The following SPIDR variants were observed in gnomAD, a reference collection of about 807,000 sequenced individuals.
SPIDR encodes DNA repair-scaffolding protein.
SPIDR carries 93 observed loss-of-function variants against 104.6 expected under a neutral mutation model. That is an observed-to-expected ratio of 0.89 (90% CI 0.75 to 1.06). SPIDR has a LOEUF of 1.06. Among genes scored for constraint, SPIDR ranks in the 50% least tolerant of loss-of-function variants. SPIDR has a pLI of 0.00. For missense variants in SPIDR, 1,154 were observed against 1,111.2 expected, an observed-to-expected ratio of 1.04 and a Z score of -0.55; for synonymous variants, 431 against 416.9, an observed-to-expected ratio of 1.03 and a Z score of -0.41.
chr8:47,433,222 C>G (rs1046968115), intron 7 of SPIDR, among the ~76,000 whole-genome samples: 2 of 152,128 alleles, frequency 1.3e-5, no homozygotes, highest in Admixed American at 1.3e-4. Context: ...TCTTACCTCT[C>G]CTGTCACTCC....
intron 5 of SPIDR, among the ~76,000 whole-genome samples, chr8:47,325,886 GAAGA>G (rs2047576155): frequency 6.6e-6 from 1 of 152,196 alleles, no homozygotes; most frequent in African/African-American, 2.4e-5. Context: ...GATCTAAGAG[GAAGA>G]AAGAAGTCTT....
intron 8 of SPIDR, among the ~76,000 whole-genome samples, chr8:47,517,716 A>G (rs1282975882): frequency 6.6e-6 from 1 of 152,252 alleles, no homozygotes; most frequent in Non-Finnish European, 1.5e-5. Flanking sequence ...CACAGTGAGA[A>G]CATCTTGTAA....
intron 11 of SPIDR, among the ~76,000 whole-genome samples, chr8:47,680,894 T>C (rs1242043185): frequency 6.6e-6 from 1 of 152,090 alleles, no homozygotes; most frequent in Non-Finnish European, 1.5e-5. Flanking sequence ...TCACCTGAGG[T>C]CAGGAGTTTC....
At chr8:47,565,983 TATATATA>T (rs1456385330) in intron 8 of SPIDR, among the ~76,000 whole-genome samples, 149 of 47,324 alleles carry the variant, frequency 3.1e-3, no homozygotes, top group Non-Finnish European at 7.2e-3. Context: ...TATATATATA[TATATATA>T]TATTTTTTTT....
At chr8:47,620,590 A>C (rs1227758854) in intron 10 of SPIDR, among the ~76,000 whole-genome samples, 1 of 150,200 alleles carries the variant, frequency 6.7e-6, no homozygotes, top group Non-Finnish European at 1.5e-5. Context: ...TTTAAAGGGT[A>C]TACACAATTC....
In SPIDR at chr8:47,506,502, T is replaced by C. The variant is rs565229799; in HGVS notation, c.1097+65960T>C. Among the ~76,000 whole-genome samples, 129 of 152,248 alleles carry C rather than the reference T, an allele frequency of 8.5e-4. 5 individuals carry two copies. In the South Asian group the frequency reaches 0.026, roughly 31 times the overall value. On this transcript the variant is annotated intron_variant, in intron 8 of 19. Coordinates refer to ENST00000297423, the MANE Select transcript of SPIDR (RefSeq NM_001080394.4). ...TAGAATTCTGGGATCCTGTAACCTA[T>C]AGAATGAATTGCAAGGCTAATATCA...
intron 11 of SPIDR, among the ~76,000 whole-genome samples, chr8:47,680,995 G>A (rs544109731): frequency 2.6e-5 from 4 of 152,310 alleles, no homozygotes; most frequent in Non-Finnish European, 4.4e-5. Flanking sequence ...ACCGGGAGGC[G>A]GAGGTTGCAG....
chr8:47,723,377 G>T (rs2083702020), intron 16 of SPIDR, among the ~76,000 whole-genome samples: 1 of 147,842 alleles, frequency 6.8e-6, no homozygotes, highest in Non-Finnish European at 1.5e-5. Context: ...GATTTTTATT[G>T]AACATTATGA....
intron 7 of SPIDR, 147 bp downstream of exon 7, chr8:47,408,108 A>G (rs35350751): frequency 4.5e-6 from 2 of 443,906 alleles, no homozygotes; most frequent in South Asian, 7.9e-5. Flanking sequence ...ACATATAAAA[A>G]CTATATATAG....
intron 8 of SPIDR, among the ~76,000 whole-genome samples, chr8:47,472,956 G>A (rs782204647): frequency 3.9e-5 from 6 of 152,144 alleles, no homozygotes; most frequent in Non-Finnish European, 7.3e-5. Context: ...CTTTCTGGCC[G>A]TGGTCTTCTG....
chr8:47,460,512 G>A (rs2073766527), intron 8 of SPIDR, among the ~76,000 whole-genome samples: 1 of 152,082 alleles, frequency 6.6e-6, no homozygotes, highest in Non-Finnish European at 1.5e-5. Context: ...ATTTGCGTGG[G>A]CTGTCTTTTT....
At chr8:47,475,402 A>G (rs898272417) in intron 8 of SPIDR, among the ~76,000 whole-genome samples, 82 of 152,200 alleles carry the variant, frequency 5.4e-4, no homozygotes, top group African/African-American at 1.9e-3. Flanking sequence ...CTTCTTTCCT[A>G]CCTGTCATGT....
intron 10 of SPIDR, among the ~76,000 whole-genome samples, chr8:47,633,901 T>A (rs181091048): frequency 6.6e-6 from 1 of 151,950 alleles, no homozygotes; most frequent in African/African-American, 2.4e-5. Context: ...AGAACCAGCC[T>A]GAGCAACATG....
intron 8 of SPIDR, among the ~76,000 whole-genome samples, chr8:47,579,167 T>C (rs2154410456): frequency 6.6e-6 from 1 of 152,320 alleles, no homozygotes; most frequent in East Asian, 1.9e-4. Context: ...GCAAGCACTA[T>C]TGACATTGCC....
rs1329586137 is a variant in SPIDR at position 47,396,493 on chromosome 8, G to C, written c.643G>C (p.Asp215His). ...PHKYHVQFASDARQIMERLID... is the reference protein window; with the variant it reads ...PHKYHVQFASHARQIMERLID... ...CAAATACCACGTGCAGTTTGCATCG[G>C]ATGCAAGACAGATTATGGAGAGACT... Residue 215 changes from aspartate to histidine, a missense_variant, in exon 6 of 20, where the codon GAT becomes CAT. Transcript: ENST00000297423. 14 of 1,614,012 alleles carry C rather than the reference G, an allele frequency of 8.7e-6. No homozygotes were observed. In the East Asian group the frequency reaches 3.1e-4, roughly 36 times the overall value.
chr8:47,604,738 T>G (rs2062734157), intron 10 of SPIDR, among the ~76,000 whole-genome samples: 1 of 152,168 alleles, frequency 6.6e-6, no homozygotes, highest in Non-Finnish European at 1.5e-5. Flanking sequence ...TGAGAAAAAC[T>G]ATAGTGAGAG....
At chr8:47,511,678 C>T in intron 8 of SPIDR, 4 of 867,534 alleles carry the variant, frequency 4.6e-6, no homozygotes, top group Non-Finnish European at 8.0e-6. Flanking sequence ...TGCCCCAAGG[C>T]CATAGCCATC....
intron 8 of SPIDR, among the ~76,000 whole-genome samples, chr8:47,457,266 C>A (rs950791365): frequency 6.6e-6 from 1 of 152,086 alleles, no homozygotes; most frequent in Non-Finnish European, 1.5e-5. Context: ...ACATCAACAT[C>A]TATTATTTTT....
intron 5 of SPIDR, among the ~76,000 whole-genome samples, chr8:47,348,573 C>T (rs191639775): frequency 6.6e-6 from 1 of 152,320 alleles, no homozygotes; most frequent in Admixed American, 6.5e-5. Flanking sequence ...TCCATTCTCC[C>T]TGTAACTTTC....
Sources: allele counts gnomAD v4.1 joint callset (sites outside exome capture counted in the v4.1 genomes callset), GRCh38; gene constraint gnomAD v4.1.1; transcripts MANE v1.5; gene names NCBI Gene and HGNC (gene_info 2026-07-23, HGNC 2026-07-21).